The following GAREM1 variants were observed in gnomAD, a reference collection of about 807,000 sequenced individuals.
The protein encoded by GAREM1 is GRB2 associated regulator of MAPK1 subtype 1.
A neutral mutation model predicts 71.3 loss-of-function variants in GAREM1; 26 were observed. That is an observed-to-expected ratio of 0.36 (90% CI 0.27 to 0.51). The LOEUF (loss-of-function observed/expected upper bound fraction) is 0.51. Ranked by LOEUF, GAREM1 falls within the 20% of genes least tolerant of loss-of-function variation. GAREM1 has a pLI of 0.95. For missense variants in GAREM1, 1,026 were observed against 1,103.1 expected (o/e 0.93, Z 0.99); for synonymous variants, 440 against 433.2 (o/e 1.02, Z -0.20).
chr18:32,365,920 G>C lies in GAREM1; in HGVS notation c.262+26975C>G, dbSNP rs185365255. 1.1e-4 allele frequency among the ~76,000 whole-genome samples: 16 copies of C among 152,286 alleles called. No homozygotes were observed. The East Asian group carries it at 2.5e-3, about 24-fold the overall frequency. On this transcript the variant is annotated intron_variant, in intron 2 of 5. Transcript: ENST00000269209. ...TGGCTAGGGGAGGATTTATAGAAGT[G>C]CAGGTGCATTTCCAGAACACCTTTA...
At chr18:32,329,775 A>G (rs1331558341) in intron 2 of GAREM1, among the ~76,000 whole-genome samples, 1 of 151,480 alleles carries the variant, frequency 6.6e-6, no homozygotes, top group Non-Finnish European at 1.5e-5. Context: ...AAGAAATTTC[A>G]TTGGACTATG....
At chr18:32,435,936 A>G (rs2048672893) in intron 1 of GAREM1, among the ~76,000 whole-genome samples, 1 of 152,228 alleles carries the variant, frequency 6.6e-6, no homozygotes, top group Non-Finnish European at 1.5e-5. Flanking sequence ...ATTGCACCCA[A>G]GGTCTCCTAG....
chr18:32,470,264 C>A lies in GAREM1; in HGVS notation c.121+44G>T. On this transcript the variant is annotated intron_variant, in intron 1 of 5. Transcript: ENST00000269209. The surrounding 1 kb of genome is among the most constrained non-coding windows in gnomAD (Gnocchi z 4.4). ...ACACGCGCGCACACCCGCGTGGAGA[C>A]GGCTGTCCTCGCCCGTCTGCCCCGC... 6.9e-7 allele frequency: 1 copy of A among 1,450,264 alleles called. No homozygotes were observed. Among genetic ancestry groups the A allele is most frequent in the Non-Finnish European group, 9.1e-7 (1 of 1,095,676 alleles). 89.8% of individuals were successfully genotyped at this position (1,450,264 alleles called of 1,614,324 possible).
chr18:32,318,542 G>A (rs1416183802), intron 2 of GAREM1, among the ~76,000 whole-genome samples: 3 of 152,180 alleles, frequency 2.0e-5, no homozygotes, highest in Non-Finnish European at 4.4e-5. Flanking sequence ...AGACTTAGAG[G>A]TGGTCAAATT....
chr18:32,431,107 G>A (rs2048620499), intron 1 of GAREM1, among the ~76,000 whole-genome samples: 3 of 152,142 alleles, frequency 2.0e-5, no homozygotes, highest in African/African-American at 7.2e-5. Context: ...CACTACCCAA[G>A]ACCAAGACTG....
intron 3 of GAREM1, among the ~76,000 whole-genome samples, chr18:32,295,042 C>A (rs1417995644): frequency 1.3e-5 from 2 of 151,812 alleles, no homozygotes; most frequent in African/African-American, 2.4e-5. Context: ...TTAAGATGGT[C>A]ATATGTTTAT....
intron 3 of GAREM1, among the ~76,000 whole-genome samples, chr18:32,308,201 C>CCAGGGAGGCGAA (rs1463656143): frequency 7.2e-6 from 1 of 139,100 alleles, no homozygotes. Flanking sequence ...AGCCTTTGAA[C>CCAGGGAGGCGAA]TCTTAAATGA....
intron 3 of GAREM1, among the ~76,000 whole-genome samples, chr18:32,305,060 AC>A (rs59597048): frequency 4.6e-5 from 7 of 152,054 alleles, no homozygotes; most frequent in African/African-American, 1.4e-4. Flanking sequence ...TTAAAAAAAA[AC>A]CCCACAAATA....
In GAREM1 at chr18:32,272,602, A is replaced by G. The variant is rs114554090; in HGVS notation, c.1567-2219T>C. On this transcript the variant is annotated intron_variant, in intron 4 of 5. Transcript: ENST00000269209. ...GAATGCTTGGCTGGGCTGGCCCAGG[A>G]AAGACCCTTGCACCATTCTGGGGTC... Among the ~76,000 whole-genome samples the G allele has an allele frequency of 2.3e-3, 344 of 152,046 alleles. 3 individuals are homozygous for G. Among genetic ancestry groups the G allele is most frequent in the African/African-American group, 7.9e-3 (329 of 41,480 alleles).
intron 1 of GAREM1, among the ~76,000 whole-genome samples, chr18:32,449,522 T>A (rs2048814167): frequency 6.6e-6 from 1 of 151,928 alleles, no homozygotes. Flanking sequence ...AAAACATATA[T>A]ATTTAAAAAA....
intron 3 of GAREM1, among the ~76,000 whole-genome samples, chr18:32,307,970 ATTTC>A (rs1352856920): frequency 2.0e-5 from 3 of 152,134 alleles, no homozygotes; most frequent in African/African-American, 7.2e-5. Context: ...CCTTTTGTGT[ATTTC>A]TTTATGTAAA....
At chr18:32,408,470 CA>C (rs1404747872) in intron 1 of GAREM1, among the ~76,000 whole-genome samples, 1 of 151,898 alleles carries the variant, frequency 6.6e-6, no homozygotes, top group Admixed American at 6.6e-5. Context: ...ATATTAATGG[CA>C]AAAAAATTGT....
intron 2 of GAREM1, among the ~76,000 whole-genome samples, chr18:32,380,241 C>T (rs934654226): frequency 6.6e-6 from 1 of 151,978 alleles, no homozygotes; most frequent in African/African-American, 2.4e-5. Context: ...TTTGGGAGGC[C>T]GAAGCAGGGG....
At chr18:32,277,541 C>G (rs2041558747) in intron 4 of GAREM1, among the ~76,000 whole-genome samples, 1 of 152,200 alleles carries the variant, frequency 6.6e-6, no homozygotes, top group Admixed American at 6.5e-5. Flanking sequence ...CTTCATGTTT[C>G]TAAGTGGAAG....
intron 1 of GAREM1, among the ~76,000 whole-genome samples, chr18:32,427,479 A>G (rs1028044885): frequency 6.6e-6 from 1 of 152,168 alleles, no homozygotes; most frequent in Admixed American, 6.6e-5. Context: ...TGAGAGTTCA[A>G]TCTTGAAATG....
chr18:32,421,999 T>C (rs955449583), intron 1 of GAREM1, among the ~76,000 whole-genome samples: 1 of 152,126 alleles, frequency 6.6e-6, no homozygotes, highest in Non-Finnish European at 1.5e-5. Context: ...TTTTTTTTTA[T>C]ACTTTAAGTT....
intron 2 of GAREM1, among the ~76,000 whole-genome samples, chr18:32,346,730 G>A (rs940239717): frequency 6.6e-6 from 1 of 152,180 alleles, no homozygotes; most frequent in Non-Finnish European, 1.5e-5. Flanking sequence ...AGAATCACTG[G>A]ATTTTGGAGA....
At chr18:32,335,810 T>C (rs2144565192) in intron 2 of GAREM1, among the ~76,000 whole-genome samples, 1 of 152,352 alleles carries the variant, frequency 6.6e-6, no homozygotes. Flanking sequence ...TAGACAATTC[T>C]AGTTGCAATT....
chr18:32,449,414 C>T (rs561344333), intron 1 of GAREM1, among the ~76,000 whole-genome samples: 62 of 152,226 alleles, frequency 4.1e-4, no homozygotes, highest in Non-Finnish European at 6.3e-4. Context: ...AGGCTGGGTG[C>T]GGGGGCTCAC....
Sources: gnomAD v4.1 joint callset for allele counts (sites outside exome capture counted in the v4.1 genomes callset) on GRCh38, gnomAD v4.1.1 for gene constraint, Gnocchi (gnomAD v3.1) non-coding constraint, MANE v1.5 for transcripts, NCBI Gene and HGNC (gene_info 2026-07-23, HGNC 2026-07-21) for gene names.